Variants in HS3ST4 observed in about 807,000 individuals in gnomAD.
HS3ST4 encodes the protein heparan sulfate-glucosamine 3-sulfotransferase 4.
In HS3ST4, 17 loss-of-function variants were observed where a neutral mutation model predicts 29.2. That is an observed-to-expected ratio of 0.58 (90% confidence interval 0.40 to 0.87). HS3ST4 has a LOEUF of 0.87. Ranked by LOEUF, HS3ST4 falls within the 40% of genes least tolerant of loss-of-function variation. HS3ST4 has a pLI of 0.00. For missense variants in HS3ST4, 627 were observed against 634.5 expected (o/e 0.99, Z 0.13); for synonymous variants, 314 against 285.7 (o/e 1.10, Z -1.00).
At chr16:26,050,056 A>G (rs866465450) in intron 1 of HS3ST4, among the ~76,000 whole-genome samples, 3 of 152,122 alleles carry the variant, frequency 2.0e-5, no homozygotes, top group Non-Finnish European at 4.4e-5. Flanking sequence ...TGATTAAACC[A>G]TTGTCCATTG....
At chr16:26,042,674 A>T (rs1969645939) in intron 1 of HS3ST4, among the ~76,000 whole-genome samples, 1 of 152,210 alleles carries the variant, frequency 6.6e-6, no homozygotes, top group South Asian at 2.1e-4. Context: ...CATTATTTGC[A>T]GCTTTCTGTT....
intron 1 of HS3ST4, among the ~76,000 whole-genome samples, chr16:25,908,979 C>G (rs993997117): frequency 6.6e-6 from 1 of 152,154 alleles, no homozygotes; most frequent in Non-Finnish European, 1.5e-5. Flanking sequence ...GTGCTGGGCA[C>G]ACAGCCTCAC....
intron 1 of HS3ST4, among the ~76,000 whole-genome samples, chr16:25,957,942 CT>C (rs1968753619): frequency 6.6e-6 from 1 of 152,062 alleles, no homozygotes; most frequent in South Asian, 2.1e-4. Context: ...TCCTTAGACT[CT>C]TCTTGTAAGG....
chr16:25,757,960 G>C (rs144499030), intron 1 of HS3ST4, among the ~76,000 whole-genome samples: 1 of 152,190 alleles, frequency 6.6e-6, no homozygotes, highest in South Asian at 2.1e-4. Context: ...TCTGTAGAGA[G>C]ATGTTATCTT....
rs1966269140 is a variant in HS3ST4, at chr16:25,693,087, C to A, written c.670C>A (p.Arg224=). Residue 224 remains arginine, a synonymous_variant, in exon 1 of 2, where the codon CGG becomes AGG. Coordinates refer to ENST00000331351, the MANE Select transcript of HS3ST4 (RefSeq NM_006040.3). ...LEAIRVHPDV[R]AVGVEPHFFD... ...GGCGATCCGCGTGCACCCGGACGTGCGGGCGGTGGGCGTAGAGCCGCACTT... is the reference window on the plus strand; with the variant it reads ...GGCGATCCGCGTGCACCCGGACGTGAGGGCGGTGGGCGTAGAGCCGCACTT... The A allele has an allele frequency of 6.2e-7, 1 of 1,608,074 alleles. No individual in the cohort carries two copies. The highest frequency in any genetic ancestry group is 8.5e-7 in the Non-Finnish European group (1 of 1,177,640).
chr16:25,990,321 G>A (rs1034545411), intron 1 of HS3ST4, among the ~76,000 whole-genome samples: 1 of 152,212 alleles, frequency 6.6e-6, no homozygotes, highest in Non-Finnish European at 1.5e-5. Context: ...TGAGCTTTGT[G>A]AGAAACTGCC....
chr16:26,129,630 T>C (rs1899391210), intron 1 of HS3ST4, among the ~76,000 whole-genome samples: 1 of 152,226 alleles, frequency 6.6e-6, no homozygotes, highest in African/African-American at 2.4e-5. Context: ...GTATTATTAG[T>C]ATGATGCCTG....
intron 1 of HS3ST4, among the ~76,000 whole-genome samples, chr16:25,986,864 G>A (rs878858272): frequency 6.6e-6 from 1 of 152,212 alleles, no homozygotes; most frequent in Admixed American, 6.5e-5. Context: ...ATTTTCAGAT[G>A]GCAGTTTGTT....
At chr16:25,766,719 T>G (rs983994905) in intron 1 of HS3ST4, among the ~76,000 whole-genome samples, 4 of 152,170 alleles carry the variant, frequency 2.6e-5, no homozygotes, top group Non-Finnish European at 5.9e-5. Flanking sequence ...AAGCTTACAT[T>G]TTTTGGATGG....
chr16:25,807,660 T>C (rs563355760), intron 1 of HS3ST4, among the ~76,000 whole-genome samples: 2 of 152,352 alleles, frequency 1.3e-5, no homozygotes, highest in South Asian at 4.1e-4. Flanking sequence ...CTATGTTTTT[T>C]CTAGAATAAA....
At chr16:26,048,692 G>C (rs985417064) in intron 1 of HS3ST4, among the ~76,000 whole-genome samples, 1 of 152,104 alleles carries the variant, frequency 6.6e-6, no homozygotes, top group African/African-American at 2.4e-5. Flanking sequence ...AAATAGCCAG[G>C]TGTGGTGGTG....
At position 26,136,523 on chromosome 16, in the gene HS3ST4, T is replaced by C; in HGVS notation, c.*275T>C. Reference sequence around the variant, plus strand: ...TTCATTCTTATCTTCTGCTAGTTAATATAGCCTGAAGACAGAGGATAAATA... The same window carrying C: ...TTCATTCTTATCTTCTGCTAGTTAACATAGCCTGAAGACAGAGGATAAATA... On this transcript the variant is annotated 3_prime_UTR_variant, in exon 2 of 2. Coordinates refer to ENST00000331351, the MANE Select transcript of HS3ST4 (RefSeq NM_006040.3). 2.0e-6 allele frequency: 1 copy of C among 496,334 alleles called. No homozygotes were observed. Among genetic ancestry groups the C allele is most frequent in the Non-Finnish European group, 3.6e-6 (1 of 277,380 alleles). The allele number at this position is 496,334 out of a possible 1,614,324, so 30.7% of individuals were successfully genotyped here. A position where few individuals can be genotyped will look rare whatever the true frequency, so the allele number is the denominator to read the frequency against.
chr16:25,808,145 T>TA, intron 1 of HS3ST4, among the ~76,000 whole-genome samples: 1 of 152,320 alleles, frequency 6.6e-6, no homozygotes, highest in African/African-American at 2.4e-5. Context: ...AAATTACAGT[T>TA]ACCAAAATTT....
At chr16:25,917,532 C>A (rs985978220) in intron 1 of HS3ST4, among the ~76,000 whole-genome samples, 9 of 152,122 alleles carry the variant, frequency 5.9e-5, no homozygotes, top group African/African-American at 2.2e-4. Context: ...CTAAACAGAC[C>A]AGGATGTGAA....
intron 1 of HS3ST4, among the ~76,000 whole-genome samples, chr16:25,891,319 T>A (rs1228275129): frequency 1.3e-5 from 2 of 152,214 alleles, no homozygotes; most frequent in Non-Finnish European, 1.5e-5. Context: ...TTGAAATGAC[T>A]ATTTTTTTAG....
At chr16:25,861,851 T>G (rs1967640566) in intron 1 of HS3ST4, among the ~76,000 whole-genome samples, 1 of 152,270 alleles carries the variant, frequency 6.6e-6, no homozygotes, top group African/African-American at 2.4e-5. Flanking sequence ...TGTAACTTTA[T>G]GCATGATTTT....
In HS3ST4 at chr16:25,866,084, C is replaced by T. The variant is rs150600247; in HGVS notation, c.734+172933C>T. Among the ~76,000 whole-genome samples, 108 of 152,262 alleles carry T rather than the reference C, an allele frequency of 7.1e-4. 1 individual carries two copies. The highest frequency in any genetic ancestry group is 2.6e-3 in the African/African-American group (107 of 41,566). ...GCAAACTATCCATTTGTAATCTATC[C>T]ATTTGCAAAATATTCAAACTGTATA... is the stretch of plus-strand genomic sequence containing the variant. On this transcript the variant is annotated intron_variant, in intron 1 of 1. Coordinates refer to ENST00000331351, the MANE Select transcript of HS3ST4 (RefSeq NM_006040.3).
At chr16:25,906,699 T>C (rs1284413375) in intron 1 of HS3ST4, among the ~76,000 whole-genome samples, 1 of 152,206 alleles carries the variant, frequency 6.6e-6, no homozygotes, top group Non-Finnish European at 1.5e-5. Context: ...CACTAGAACT[T>C]AGTGTTGATA....
intron 1 of HS3ST4, among the ~76,000 whole-genome samples, chr16:25,910,269 C>T (rs1407386003): frequency 3.3e-5 from 5 of 152,148 alleles, no homozygotes; most frequent in Non-Finnish European, 5.9e-5. Context: ...TGGGCTTTGG[C>T]GGTCTTAAGG....
Sources: gnomAD v4.1 joint callset for allele counts (sites outside exome capture counted in the v4.1 genomes callset) on GRCh38, gnomAD v4.1.1 for gene constraint, MANE v1.5 for transcripts, NCBI Gene and HGNC (gene_info 2026-07-23, HGNC 2026-07-21) for gene names.